The following TOM1L2 variants were observed in gnomAD, a reference collection of about 807,000 sequenced individuals.
The protein encoded by TOM1L2 is target of myb1 like 2 membrane trafficking protein, also known as TOM1-like protein 2.
In TOM1L2, 31 loss-of-function variants were observed where a neutral mutation model predicts 67.9. The observed-to-expected ratio is 0.46, with a 90% CI of 0.34 to 0.62. The LOEUF (loss-of-function observed/expected upper bound fraction) is 0.62, where lower values mean the gene tolerates loss of function less well. Ranked by LOEUF, TOM1L2 falls within the 20% of genes least tolerant of loss-of-function variation. The pLI, the probability that TOM1L2 is intolerant of heterozygous loss-of-function variation, is 0.01. For synonymous variants in TOM1L2, 256 were observed against 254.0 expected (o/e 1.01, Z -0.07); for missense variants, 606 against 663.5 (o/e 0.91, Z 0.95).
At chr17:17,944,974 A>G (rs567332091) in intron 1 of TOM1L2, among the ~76,000 whole-genome samples, 2 of 152,314 alleles carry the variant, frequency 1.3e-5, no homozygotes, top group African/African-American at 2.4e-5. Flanking sequence ...CTGACATTGC[A>G]GCAGATGCTG....
At chr17:17,886,431 A>C (rs940281016) in intron 4 of TOM1L2, among the ~76,000 whole-genome samples, 2 of 152,222 alleles carry the variant, frequency 1.3e-5, no homozygotes, top group South Asian at 2.1e-4. Context: ...GCTGGAGGAG[A>C]GTAGGTTGCC....
chr17:17,945,206 G>A (rs1420466561), intron 1 of TOM1L2, among the ~76,000 whole-genome samples: 1 of 152,036 alleles, frequency 6.6e-6, no homozygotes, highest in East Asian at 1.9e-4. Context: ...CAGATTGCCA[G>A]TAGGACCAAC....
Position 17,929,498 on chromosome 17 carries a change from G to A in TOM1L2, c.53-21967C>T, listed in dbSNP as rs555142774. 7.9e-5 allele frequency among the ~76,000 whole-genome samples: 12 copies of A among 152,268 alleles called. No individual in the cohort carries two copies. In the South Asian group the frequency reaches 8.3e-4, roughly 11 times the overall value. On this transcript the variant is annotated intron_variant, in intron 1 of 14. Transcript: ENST00000379504. ...AATACAAAATTAGCCAGGCGTGGTG[G>A]AATGTGCCTGTAATCCCAGCTACTC...
chr17:17,908,173 A>C (rs1046979739), intron 1 of TOM1L2, among the ~76,000 whole-genome samples: 1 of 152,230 alleles, frequency 6.6e-6, no homozygotes, highest in Non-Finnish European at 1.5e-5. Context: ...TATCTCATCC[A>C]CAAAATGACT....
intron 7 of TOM1L2, among the ~76,000 whole-genome samples, chr17:17,870,519 T>C (rs565920678): frequency 8.5e-4 from 129 of 152,258 alleles, no homozygotes; most frequent in Middle Eastern, 6.8e-3. Context: ...CAGAGGGAAA[T>C]GCTGTTCCCA....
chr17:17,960,034 C>A (rs917758662), intron 1 of TOM1L2, among the ~76,000 whole-genome samples: 1 of 152,204 alleles, frequency 6.6e-6, no homozygotes. Flanking sequence ...TAAGAAAGCA[C>A]GTCCTTTGAG....
intron 1 of TOM1L2, among the ~76,000 whole-genome samples, chr17:17,934,175 T>C (rs990224740): frequency 2.0e-5 from 3 of 152,198 alleles, no homozygotes; most frequent in Non-Finnish European, 4.4e-5. Flanking sequence ...TGGTAGCCAT[T>C]TTCAAAGTGC....
chr17:17,962,702 G>A (rs1041450202), intron 1 of TOM1L2, among the ~76,000 whole-genome samples: 4 of 152,072 alleles, frequency 2.6e-5, no homozygotes, highest in African/African-American at 9.7e-5. Context: ...GCTCACGCCT[G>A]TAATCTCAGC....
At chr17:17,914,142 T>A (rs1017501468) in intron 1 of TOM1L2, among the ~76,000 whole-genome samples, 3 of 152,178 alleles carry the variant, frequency 2.0e-5, no homozygotes, top group African/African-American at 7.2e-5. Flanking sequence ...AGTCATTCCC[T>A]CTGGGCGTGG....
At chr17:17,924,055 T>C (rs1227372691) in intron 1 of TOM1L2, among the ~76,000 whole-genome samples, 1 of 151,962 alleles carries the variant, frequency 6.6e-6, no homozygotes, top group Non-Finnish European at 1.5e-5. Flanking sequence ...GGAGAATTAC[T>C]TGAACCCAGG....
intron 1 of TOM1L2, among the ~76,000 whole-genome samples, chr17:17,953,507 C>A (rs1360927206): frequency 6.6e-6 from 1 of 152,158 alleles, no homozygotes; most frequent in Admixed American, 6.5e-5. Context: ...AAAGGCGTCA[C>A]CAACTGTTTA....
rs551555530 is a variant in TOM1L2, at chr17:17,921,032, C to T, written c.53-13501G>A. ...AACTCCAGATGTTATTTGGATTTCTCCAGTTTTTCCAATAATGCCCTTTTT... is the reference window on the plus strand; with the variant it reads ...AACTCCAGATGTTATTTGGATTTCTTCAGTTTTTCCAATAATGCCCTTTTT... On this transcript the variant is annotated intron_variant, in intron 1 of 14. Coordinates refer to ENST00000379504, the MANE Select transcript of TOM1L2 (RefSeq NM_001082968.2). 3.3e-5 allele frequency among the ~76,000 whole-genome samples: 5 copies of T among 152,282 alleles called. No individual in the cohort carries two copies. In the East Asian group the frequency reaches 7.7e-4, roughly 23 times the overall value.
Position 17,893,703 on chromosome 17 carries a change from G to A in TOM1L2, c.324C>T (p.Asn108=), listed in dbSNP as rs753745234. ...VLVKIISPKN[N]PPTIVQDKVL... is the part of the protein sequence containing the mutation. Reference sequence around the variant, plus strand: ...CTTTGTCCTGTACAATGGTGGGAGGGTTGTTCTTGGGAGATATAATTTTGA... The same window carrying A: ...CTTTGTCCTGTACAATGGTGGGAGGATTGTTCTTGGGAGATATAATTTTGA... The change falls in exon 4 of 15, where the codon AAC becomes AAT. Residue 108 remains asparagine (N), a synonymous_variant. Coordinates refer to ENST00000379504, the MANE Select transcript of TOM1L2 (RefSeq NM_001082968.2). The A allele has an allele frequency of 1.9e-6, 3 of 1,614,026 alleles. No individual in the cohort carries two copies. Among genetic ancestry groups the A allele is most frequent in the African/African-American group, 1.3e-5 (1 of 74,910 alleles).
At chr17:17,894,682 G>A (rs945241072) in intron 3 of TOM1L2, among the ~76,000 whole-genome samples, 2 of 152,232 alleles carry the variant, frequency 1.3e-5, no homozygotes. Flanking sequence ...TGTAATCCCA[G>A]CACTTTGGGA....
At chr17:17,894,783 T>C (rs1007284408) in intron 3 of TOM1L2, among the ~76,000 whole-genome samples, 67 of 152,112 alleles carry the variant, frequency 4.4e-4, no homozygotes, top group African/African-American at 1.5e-3. Flanking sequence ...ATACAAAAAC[T>C]AGCCAGGCTT....
chr17:17,888,771 T>A (rs1222771324), intron 4 of TOM1L2, among the ~76,000 whole-genome samples: 2 of 152,214 alleles, frequency 1.3e-5, no homozygotes, highest in African/African-American at 4.8e-5. Context: ...GATGACTCCA[T>A]TTCCGCTCCT....
At chr17:17,921,953 C>CT (rs201350393) in intron 1 of TOM1L2, among the ~76,000 whole-genome samples, 3,762 of 151,966 alleles carry the variant, frequency 0.025, 129 homozygotes, top group African/African-American at 0.08. Flanking sequence ...TGTCACCAGC[C>CT]TTTTTTTTGA....
chr17:17,863,841 C>T (rs1019074041), intron 10 of TOM1L2, among the ~76,000 whole-genome samples: 2 of 151,484 alleles, frequency 1.3e-5, no homozygotes, highest in Non-Finnish European at 2.9e-5. Context: ...GAGCCACCAC[C>T]CCTGGTGGAC....
chr17:17,857,796 T>C (rs1326097761), intron 12 of TOM1L2: 1 of 1,535,548 alleles, frequency 6.5e-7, no homozygotes, highest in Non-Finnish European at 8.7e-7. Flanking sequence ...GCCAGCTGTC[T>C]ATGGGCTCCA....
Sources: allele counts gnomAD v4.1 joint callset (sites outside exome capture counted in the v4.1 genomes callset), GRCh38; gene constraint gnomAD v4.1.1; transcripts MANE v1.5; gene names NCBI Gene and HGNC (gene_info 2026-07-23, HGNC 2026-07-21).